GALNT13: variants seen among roughly 807,000 people sequenced by gnomAD.
The protein encoded by GALNT13 is UDP-GalNAc:polypeptide N-acetylgalactosaminyltransferase 13.
In GALNT13, 28 loss-of-function variants were observed where a neutral mutation model predicts 64.2. The ratio of observed to expected loss-of-function variants is 0.44; its 90% CI spans 0.32 to 0.60. The LOEUF is 0.60. Ranked by LOEUF, GALNT13 falls within the 20% of genes least tolerant of loss-of-function variation. The pLI is 0.05. For synonymous variants in GALNT13, 214 were observed against 224.6 expected (o/e 0.95, Z 0.42); for missense variants, 577 against 669.8 (o/e 0.86, Z 1.53).
chr2:154,309,561 C>T lies in GALNT13; in HGVS notation c.1156+7972C>T, dbSNP rs111349435. ...AATGGGTATGTGCAAGGAGACCAAA[C>T]ATGAGAAGAAACAACTCACTTTTGA... On this transcript the variant is annotated intron_variant, in intron 9 of 12. Coordinates refer to ENST00000392825, the MANE Select transcript of GALNT13 (RefSeq NM_052917.4). 2.9e-4 allele frequency among the ~76,000 whole-genome samples: 44 copies of T among 152,274 alleles called. 1 individual carries two copies. The highest frequency in any genetic ancestry group is 1.0e-3 in the African/African-American group (42 of 41,552).
At chr2:154,173,910 G>A (rs1472816113) in intron 4 of GALNT13, among the ~76,000 whole-genome samples, 1 of 152,112 alleles carries the variant, frequency 6.6e-6, no homozygotes, top group Non-Finnish European at 1.5e-5. Flanking sequence ...CACAGATGTG[G>A]AGAAAGGGGA....
At chr2:154,072,096 C>G (rs2105391957) in intron 3 of GALNT13, among the ~76,000 whole-genome samples, 1 of 152,210 alleles carries the variant, frequency 6.6e-6, no homozygotes, top group South Asian at 2.1e-4. Context: ...AAACTAACAT[C>G]TGTACCACAT....
At chr2:153,945,649 T>C (rs577833092) in intron 3 of GALNT13, among the ~76,000 whole-genome samples, 1 of 152,264 alleles carries the variant, frequency 6.6e-6, no homozygotes, top group Admixed American at 6.6e-5. Context: ...AAATATTTAA[T>C]AAACAGAATC....
the GALNT13 span, among the ~76,000 whole-genome samples, chr2:153,622,579 A>G: frequency 1.3e-5 from 2 of 152,188 alleles, no homozygotes; most frequent in African/African-American, 4.8e-5. Flanking sequence ...AGGCACACAT[A>G]ATAGATATGG....
At chr2:153,674,594 A>T in the GALNT13 span, among the ~76,000 whole-genome samples, 1 of 152,160 alleles carries the variant, frequency 6.6e-6, no homozygotes, top group Non-Finnish European at 1.5e-5. Flanking sequence ...AACCTTAAAA[A>T]CCCTAGAAGA....
rs1366746575 is a variant in GALNT13 at position 153,905,675 on chromosome 2, T to C, written c.-105+4668T>C. Among the ~76,000 whole-genome samples the C allele has an allele frequency of 5.3e-5, 8 of 152,092 alleles. No individual in the cohort carries two copies. In the South Asian group the frequency reaches 8.3e-4, roughly 16 times the overall value. On this transcript the variant is annotated intron_variant, in intron 2 of 12. Transcript: ENST00000392825. Reference sequence around the variant, plus strand: ...ACTAACATAAATCTCTTGTTCTTTCTTCACAATTTCAAGGACAGAAGAAGC... The same window carrying C: ...ACTAACATAAATCTCTTGTTCTTTCCTCACAATTTCAAGGACAGAAGAAGC...
intron 3 of GALNT13, among the ~76,000 whole-genome samples, chr2:154,091,770 C>G (rs1451841908): frequency 6.6e-6 from 1 of 151,742 alleles, no homozygotes; most frequent in African/African-American, 2.4e-5. Context: ...AATGGTTAAA[C>G]TGAAAGGCCT....
the GALNT13 span, among the ~76,000 whole-genome samples, chr2:153,679,877 A>C: frequency 6.6e-6 from 1 of 151,906 alleles, no homozygotes; most frequent in South Asian, 2.1e-4. Context: ...ATCCAAATTC[A>C]GTGTCTTCAA....
chr2:154,336,084 A>C (rs905653502), intron 9 of GALNT13, among the ~76,000 whole-genome samples: 15 of 152,136 alleles, frequency 9.9e-5, no homozygotes, highest in African/African-American at 3.6e-4. Flanking sequence ...ATCCACGTGA[A>C]TTGTGGATTA....
the GALNT13 span, among the ~76,000 whole-genome samples, chr2:153,465,958 G>A: frequency 1.3e-5 from 2 of 152,018 alleles, no homozygotes; most frequent in African/African-American, 4.8e-5. Flanking sequence ...ACCCTGAGCA[G>A]GCTGCTGCTT....
At chr2:153,127,148 G>A in the GALNT13 span, among the ~76,000 whole-genome samples, 11 of 146,082 alleles carry the variant, frequency 7.5e-5, no homozygotes, top group African/African-American at 2.8e-4. Flanking sequence ...GGAGTATTGA[G>A]TGCATTTTTT....
the GALNT13 span, among the ~76,000 whole-genome samples, chr2:153,693,661 A>G: frequency 8.6e-5 from 13 of 151,976 alleles, no homozygotes; most frequent in African/African-American, 2.7e-4. Flanking sequence ...AGGGGGAAAA[A>G]GGGGAGAGAG....
chr2:154,234,378 G>A (rs1689082435), intron 4 of GALNT13, among the ~76,000 whole-genome samples: 2 of 151,910 alleles, frequency 1.3e-5, no homozygotes, highest in African/African-American at 4.8e-5. Flanking sequence ...GTAGATATCG[G>A]AGCAGTTTTA....
the GALNT13 span, among the ~76,000 whole-genome samples, chr2:153,206,609 TA>T: frequency 6.6e-6 from 1 of 151,986 alleles, no homozygotes; most frequent in African/African-American, 2.4e-5. Context: ...TATTGAATGA[TA>T]AATGTAACTG....
chr2:153,168,165 T>A, the GALNT13 span, among the ~76,000 whole-genome samples: 1 of 152,310 alleles, frequency 6.6e-6, no homozygotes, highest in African/African-American at 2.4e-5. Flanking sequence ...CCTCAAATGC[T>A]ACCTTAATTG....
intron 8 of GALNT13, among the ~76,000 whole-genome samples, chr2:154,277,576 T>G (rs1188156698): frequency 6.6e-6 from 1 of 152,108 alleles, no homozygotes. Flanking sequence ...GACCGAACAA[T>G]TTCTGCAATA....
chr2:154,348,219 G>A (rs1396775761), intron 9 of GALNT13, among the ~76,000 whole-genome samples: 4 of 152,076 alleles, frequency 2.6e-5, no homozygotes, highest in Non-Finnish European at 4.4e-5. Flanking sequence ...TAACCACTGT[G>A]CAATCCTGCC....
At chr2:154,088,269 G>GA (rs1310647184) in intron 3 of GALNT13, among the ~76,000 whole-genome samples, 2 of 151,914 alleles carry the variant, frequency 1.3e-5, no homozygotes, top group African/African-American at 2.4e-5. Context: ...TAGATATGAA[G>GA]AAAAAAACTA....
the GALNT13 span, among the ~76,000 whole-genome samples, chr2:153,273,487 A>C: frequency 6.6e-6 from 1 of 152,202 alleles, no homozygotes; most frequent in South Asian, 2.1e-4. Context: ...TGACAAGATT[A>C]CAGAGAATGG....
Sources: gnomAD v4.1 joint callset for allele counts (sites outside exome capture counted in the v4.1 genomes callset) on GRCh38, gnomAD v4.1.1 for gene constraint, MANE v1.5 for transcripts, NCBI Gene and HGNC (gene_info 2026-07-23, HGNC 2026-07-21) for gene names.